TBX5: variants seen among roughly 807,000 people sequenced by gnomAD.
TBX5 encodes T-box transcription factor 5, also known as T-box transcription factor TBX5.
TBX5 carries 8 observed loss-of-function variants against 51.1 expected under a neutral mutation model. The ratio of observed to expected loss-of-function variants is 0.16; its 90% CI spans 0.09 to 0.28. The LOEUF (loss-of-function observed/expected upper bound fraction) is 0.28, where lower values mean the gene tolerates loss of function less well. Among genes scored for constraint, TBX5 ranks in the 10% least tolerant of loss-of-function variants. The pLI is 1.00. For synonymous variants in TBX5, 302 were observed against 266.4 expected (o/e 1.13, Z -1.30); for missense variants, 589 against 671.7 (o/e 0.88, Z 1.36).
intron 6 of TBX5, among the ~76,000 whole-genome samples, chr12:114,389,520 A>T (rs4767242): frequency 3.4e-5 from 5 of 148,942 alleles, no homozygotes; most frequent in Non-Finnish European, 5.9e-5. Context: ...TTTGGGAGGC[A>T]GAGGCGGGCG....
At chr12:114,387,559 C>A (rs1206893600) in intron 6 of TBX5, among the ~76,000 whole-genome samples, 1 of 152,162 alleles carries the variant, frequency 6.6e-6, no homozygotes, top group Non-Finnish European at 1.5e-5. Flanking sequence ...GTTTGTGAAA[C>A]TACTCCCTAT....
chr12:114,407,624 G>A (rs924043593), upstream of TBX5, among the ~76,000 whole-genome samples: 2 of 152,170 alleles, frequency 1.3e-5, no homozygotes, highest in Admixed American at 6.5e-5. Flanking sequence ...AAGCAAAATA[G>A]GGATTTTCAA....
intron 7 of TBX5, among the ~76,000 whole-genome samples, chr12:114,379,498 A>G (rs1379107473): frequency 1.3e-5 from 2 of 152,150 alleles, no homozygotes; most frequent in African/African-American, 4.8e-5. Context: ...AACAGATGGG[A>G]TAGTTTGGAA....
At position 114,406,059 on chromosome 12, in the gene TBX5, T is replaced by C; in HGVS notation, c.-470A>G. The C allele has an allele frequency of 1.0e-6, 1 of 981,404 alleles. No individual in the cohort carries two copies. The highest frequency in any genetic ancestry group is 1.2e-6 in the Non-Finnish European group (1 of 826,862). 60.8% of individuals were successfully genotyped at this position (981,404 alleles called of 1,614,324 possible). ...AGGTAAGAGTCAGTCTCTCTCACTC[T>C]CTCTCCCTCTCTCTCTCTCTCTGAA... On this transcript the variant is annotated 5_prime_UTR_variant, in exon 1 of 9. Transcript: ENST00000405440.
intron 7 of TBX5, among the ~76,000 whole-genome samples, chr12:114,380,055 T>C (rs1305383034): frequency 1.3e-5 from 2 of 152,162 alleles, no homozygotes; most frequent in Non-Finnish European, 2.9e-5. Flanking sequence ...CCTAGACTTT[T>C]AGACCCTTGC....
At chr12:114,385,229 G>C (rs1170993971) in intron 7 of TBX5, among the ~76,000 whole-genome samples, 1 of 152,216 alleles carries the variant, frequency 6.6e-6, no homozygotes, top group Admixed American at 6.5e-5. Context: ...TGGGAGAATG[G>C]AGAATGCCGA....
At chr12:114,357,080 T>C (rs1320349399) in intron 8 of TBX5, among the ~76,000 whole-genome samples, 1 of 152,202 alleles carries the variant, frequency 6.6e-6, no homozygotes, top group Non-Finnish European at 1.5e-5. Flanking sequence ...GAATGAATGT[T>C]CAAATTCTTT....
In TBX5 at chr12:114,355,793, C is replaced by A. The variant is rs149474574; in HGVS notation, c.1296G>T (p.Ser432=). Residue 432 remains serine, a synonymous_variant, in exon 9 of 9, where the codon TCG becomes TCT. Transcript: ENST00000405440. ...PYQHFSAHFT[S]GPLVPRLAGM... ...CAGCCAGCCGAGGGACCAGGGGCCC[C>A]GAGGTGAAGTGAGCGGAGAAGTGCT... The A allele has an allele frequency of 1.9e-6, 3 of 1,614,004 alleles. No individual in the cohort carries two copies. Among genetic ancestry groups the A allele is most frequent in the East Asian group, 2.2e-5 (1 of 44,878 alleles).
chr12:114,391,216 G>A (rs7132286), intron 6 of TBX5, among the ~76,000 whole-genome samples: 3 of 152,222 alleles, frequency 2.0e-5, no homozygotes, highest in East Asian at 1.9e-4. Flanking sequence ...AAGGCAAAAC[G>A]CTAGACAAAT....
At chr12:114,398,548 G>A (rs1315009039) in intron 5 of TBX5, 25 bp downstream of exon 5, 5 of 1,609,212 alleles carry the variant, frequency 3.1e-6, no homozygotes, top group East Asian at 2.2e-5. Context: ...GAGACAAGGC[G>A]GGGAATCCAG....
intron 8 of TBX5, among the ~76,000 whole-genome samples, chr12:114,361,544 C>T (rs1221003216): frequency 1.3e-5 from 2 of 152,132 alleles, no homozygotes; most frequent in African/African-American, 2.4e-5. Flanking sequence ...GCTTTTTTGG[C>T]TCAGTCCATC....
chr12:114,359,377 T>C (rs540837869), intron 8 of TBX5, among the ~76,000 whole-genome samples: 7 of 152,332 alleles, frequency 4.6e-5, no homozygotes, highest in African/African-American at 1.7e-4. Context: ...CTTTTTTCTC[T>C]TCTTTGAGAG....
intron 7 of TBX5, among the ~76,000 whole-genome samples, chr12:114,371,076 C>T (rs1869876236): frequency 1.3e-5 from 2 of 152,162 alleles, no homozygotes; most frequent in African/African-American, 4.8e-5. Context: ...AACTACTTGG[C>T]AAATCCCACT....
At chr12:114,369,818 A>T (rs1869756644) in intron 7 of TBX5, among the ~76,000 whole-genome samples, 1 of 148,506 alleles carries the variant, frequency 6.7e-6, no homozygotes, top group African/African-American at 2.5e-5. Flanking sequence ...TTTAATCATC[A>T]TCATCATCAT....
rs1171372107 is a variant in TBX5, at chr12:114,403,792, C to G, written c.107G>C (p.Ser36Thr). The change falls in exon 2 of 9, where the codon AGC (serine) becomes ACC (threonine). Residue 36 changes from serine (S) to threonine (T), a missense_variant. Ser to Thr is a moderately conservative substitution (Grantham distance 58). Coordinates refer to ENST00000405440, the MANE Select transcript of TBX5 (RefSeq NM_181486.4). Reference protein sequence around the residue: ...SKPESALGAPSKSPSSPQAAF... With the variant: ...SKPESALGAPTKSPSSPQAAF... ...GGCCTGCGGGGACGACGGGGACTTG[C>G]TGGGGGCCCCGAGCGCGCTCTCGGG... 1.9e-6 allele frequency: 3 copies of G among 1,614,080 alleles called. No homozygotes were observed. Among genetic ancestry groups the G allele is most frequent in the South Asian group, 2.2e-5 (2 of 91,078 alleles).
chr12:114,399,340 GTTTC>G (rs1324939418), intron 4 of TBX5, among the ~76,000 whole-genome samples, 169 bp downstream of exon 4: 2 of 151,842 alleles, frequency 1.3e-5, no homozygotes, highest in African/African-American at 4.8e-5. Flanking sequence ...AATTGTTGTA[GTTTC>G]TTTGTCTGAG....
At chr12:114,398,307 G>A (rs1335378782) in intron 5 of TBX5, among the ~76,000 whole-genome samples, 5 of 152,020 alleles carry the variant, frequency 3.3e-5, no homozygotes, top group Non-Finnish European at 5.9e-5. Context: ...GAAATAGTAG[G>A]AAGAAAAAGA....
rs183952104 is a variant in TBX5, at chr12:114,361,883, G to T, written c.982+4282C>A. Among the ~76,000 whole-genome samples the T allele has an allele frequency of 4.5e-3, 689 of 152,242 alleles. 18 individuals carry two copies. The highest frequency in any genetic ancestry group is 0.041 in the Admixed American group (621 of 15,290). On this transcript the variant is annotated intron_variant, in intron 8 of 8. Transcript: ENST00000405440. ...TCCCTGTCACTGGGAGCTCCCTTTTGGGGGTGGAGGGAGGTGAGAAGGGCA... is the reference window on the plus strand; with the variant it reads ...TCCCTGTCACTGGGAGCTCCCTTTTTGGGGTGGAGGGAGGTGAGAAGGGCA...
chr12:114,360,354 G>A (rs1454056450), intron 8 of TBX5, among the ~76,000 whole-genome samples: 1 of 145,136 alleles, frequency 6.9e-6, no homozygotes, highest in African/African-American at 2.5e-5. Flanking sequence ...ATGAGTAGAT[G>A]GATGGATGGG....
Sources: allele counts gnomAD v4.1 joint callset (sites outside exome capture counted in the v4.1 genomes callset), GRCh38; gene constraint gnomAD v4.1.1; transcripts MANE v1.5; gene names NCBI Gene and HGNC (gene_info 2026-07-23, HGNC 2026-07-21).